ANK2: variants seen among roughly 807,000 people sequenced by gnomAD.
The protein encoded by ANK2 is ankyrin-2.
In ANK2, 83 loss-of-function variants were observed where a neutral mutation model predicts 360.5. The ratio of observed to expected loss-of-function variants is 0.23; its 90% CI spans 0.19 to 0.28. The LOEUF (loss-of-function observed/expected upper bound fraction) is 0.28. Ranked by LOEUF, ANK2 falls within the 10% of genes least tolerant of loss-of-function variation. ANK2 has a pLI of 1.00. For synonymous variants in ANK2, 1,740 were observed against 1,759.5 expected (o/e 0.99, Z 0.28); for missense variants, 4,201 against 4,795.7 (o/e 0.88, Z 3.66).
chr4:112,850,335 A>ATCCATCCATCCATCCG (rs1441567063), intron 1 of ANK2, among the ~76,000 whole-genome samples: 2 of 148,558 alleles, frequency 1.3e-5, no homozygotes, highest in Non-Finnish European at 3.0e-5. Flanking sequence ...TCATCTGTCC[A>ATCCATCCATCCATCCG]TCCATCCATC....
At chr4:112,833,800 G>T (rs1003965884) in intron 1 of ANK2, among the ~76,000 whole-genome samples, 25 of 152,182 alleles carry the variant, frequency 1.6e-4, no homozygotes, top group Admixed American at 1.4e-3. Flanking sequence ...ACCGCACTCG[G>T]CCGGAATGAT....
intron 1 of ANK2, among the ~76,000 whole-genome samples, chr4:112,864,996 C>T (rs1182992856): frequency 3.8e-5 from 5 of 131,522 alleles, no homozygotes; most frequent in African/African-American, 5.7e-5. Context: ...CGCGCCACTG[C>T]ATTCCAGCCT....
intron 2 of ANK2, among the ~76,000 whole-genome samples, chr4:112,967,981 A>G (rs1359344690): frequency 6.6e-6 from 1 of 152,126 alleles, no homozygotes; most frequent in Admixed American, 6.6e-5. Flanking sequence ...CTGGTATTTG[A>G]TAGTTGATTA....
Position 113,303,655 on chromosome 4 carries a change from C to G in ANK2, c.2548+816C>G, listed in dbSNP as rs182601055. Among the ~76,000 whole-genome samples, 3 of 151,924 alleles carry G rather than the reference C, an allele frequency of 2.0e-5. No individual in the cohort carries two copies. In the East Asian group the frequency reaches 5.8e-4, roughly 29 times the overall value. The stretch of plus-strand genomic sequence containing the variant: ...TCCACTTGGATAAAAAAATGTGCTA[C>G]TAAAAAATCATGAAAGCAGCATATA... On this transcript the variant is annotated intron_variant, in intron 23 of 45. Coordinates refer to ENST00000357077, the MANE Select transcript of ANK2 (RefSeq NM_001148.6).
intron 2 of ANK2, among the ~76,000 whole-genome samples, chr4:112,952,106 T>G (rs2095060518): frequency 6.6e-6 from 1 of 152,220 alleles, no homozygotes; most frequent in African/African-American, 2.4e-5. Flanking sequence ...CTTTATGTTA[T>G]GCAAATATTC....
chr4:112,987,339 G>A (rs2154276415), intron 2 of ANK2, among the ~76,000 whole-genome samples: 1 of 152,316 alleles, frequency 6.6e-6, no homozygotes, highest in South Asian at 2.1e-4. Context: ...GCCTGGTGAT[G>A]TTCTCTATAC....
At chr4:112,812,467 A>G in the ANK2 span, among the ~76,000 whole-genome samples, 1 of 152,182 alleles carries the variant, frequency 6.6e-6, no homozygotes, top group Admixed American at 6.5e-5. Context: ...AAAAGACCAT[A>G]AGGAAAAGCA....
rs1290528750 is a variant in ANK2, at chr4:113,311,272, G to A, written c.2566G>A (p.Gly856Ser). The stretch of plus-strand genomic sequence containing the variant: ...GTTTCAAGGTGATGACACAATGACT[G>A]GTGATGGGGGAGAATACCTTAGGCC... ...SDEEGDDTMT[G>S]DGGEYLRPED... Residue 856 changes from glycine (G) to serine (S), a missense_variant, in exon 24 of 46, where the codon GGT (glycine) becomes AGT (serine). Around this residue, in one of 4 missense-constraint regions of ANK2, gnomAD observed 1,268 missense variants for 1,650.8 expected, o/e 0.77. Transcript: ENST00000357077. The A allele has an allele frequency of 6.2e-7, 1 of 1,614,000 alleles. No homozygotes were observed. The highest frequency in any genetic ancestry group is 8.5e-7 in the Non-Finnish European group (1 of 1,180,014).
At chr4:113,242,534 C>T (rs763227567) in intron 9 of ANK2, among the ~76,000 whole-genome samples, 1 of 152,030 alleles carries the variant, frequency 6.6e-6, no homozygotes, top group Non-Finnish European at 1.5e-5. Context: ...TATCAAGAAC[C>T]CAAACTAATT....
intron 1 of ANK2, among the ~76,000 whole-genome samples, chr4:113,172,248 T>C (rs1422429788): frequency 1.3e-5 from 2 of 152,192 alleles, no homozygotes; most frequent in African/African-American, 2.4e-5. Flanking sequence ...GCAAGTGCCA[T>C]GATTTACAGA....
chr4:113,047,088 C>T (rs1189799346), upstream of ANK2, among the ~76,000 whole-genome samples: 2 of 152,198 alleles, frequency 1.3e-5, no homozygotes, highest in Non-Finnish European at 2.9e-5. Context: ...CATTTTGCTT[C>T]TTCTTTTCAT....
chr4:112,896,627 C>T (rs2081835649), intron 1 of ANK2, among the ~76,000 whole-genome samples: 1 of 152,180 alleles, frequency 6.6e-6, no homozygotes, highest in Admixed American at 6.5e-5. Flanking sequence ...TGTCGCATTC[C>T]TGACCTCAGA....
chr4:112,963,899 A>G (rs1582065720), intron 2 of ANK2, among the ~76,000 whole-genome samples: 1 of 152,022 alleles, frequency 6.6e-6, no homozygotes, highest in South Asian at 2.1e-4. Context: ...CCAACTATTT[A>G]TAGTTACTGA....
At chr4:113,217,525 G>A (rs1678134629) in intron 4 of ANK2, among the ~76,000 whole-genome samples, 1 of 152,158 alleles carries the variant, frequency 6.6e-6, no homozygotes, top group African/African-American at 2.4e-5. Context: ...TTATCCATGA[G>A]CAGCGGATGG....
Position 113,174,641 on chromosome 4 carries a change from TC to T in ANK2, c.186+127del, listed in dbSNP as rs201304241. ...ATATCAGTGACTCAGACTTCTGAAA[TC>T]CCATTTTTTGCCCCCTTACCAACTT... On this transcript the variant is annotated intron_variant, in intron 2 of 45. Coordinates refer to ENST00000357077, the MANE Select transcript of ANK2 (RefSeq NM_001148.6). 2.1e-3 allele frequency: 1,683 copies of T among 789,328 alleles called. 20 individuals carry two copies. The East Asian group carries it at 0.036, about 17-fold the overall frequency. The allele number at this position is 789,328 out of a possible 1,614,324, so 48.9% of individuals were successfully genotyped here. A position where few individuals can be genotyped will look rare whatever the true frequency, so the allele number is the denominator to read the frequency against.
At chr4:113,117,372 A>G (rs1208770308) in intron 1 of ANK2, 1 of 456,286 alleles carries the variant, frequency 2.2e-6, no homozygotes, top group Non-Finnish European at 4.4e-6. Context: ...AGAGACAGAA[A>G]AAAACAACGG....
rs760202413 is a variant in ANK2 at position 113,356,649 on chromosome 4, T to A, written c.8031T>A (p.Ala2677=). 2 of 1,613,984 alleles carry A rather than the reference T, an allele frequency of 1.2e-6. No individual in the cohort carries two copies. Among genetic ancestry groups the A allele is most frequent in the Non-Finnish European group, 1.7e-6 (2 of 1,179,986 alleles). ...AGTTGGCACAGCTTAAAAAAGGTGC[T>A]GACTCAGGCCTTTTACCAGAACCAG... The part of the protein sequence containing the change: ...EPELAQLKKG[A]DSGLLPEPVI... Residue 2677 remains alanine, a synonymous_variant, in exon 38 of 46, where the codon GCT becomes GCA. Transcript: ENST00000357077.
At chr4:113,229,996 T>C (rs1419086157) in intron 4 of ANK2, among the ~76,000 whole-genome samples, 4 of 152,198 alleles carry the variant, frequency 2.6e-5, no homozygotes, top group Non-Finnish European at 5.9e-5. Context: ...CTCATTGTTT[T>C]TAACCATCCT....
At chr4:113,295,306 T>C (rs2070590178) in intron 22 of ANK2, among the ~76,000 whole-genome samples, 1 of 152,150 alleles carries the variant, frequency 6.6e-6, no homozygotes, top group Admixed American at 6.5e-5. Flanking sequence ...GGTAAGAAAA[T>C]ACATTCATAT....
Sources: allele counts gnomAD v4.1 joint callset (sites outside exome capture counted in the v4.1 genomes callset), GRCh38; gene constraint gnomAD v4.1.1; regional missense constraint gnomAD v4.1.1; transcripts MANE v1.5; gene names NCBI Gene and HGNC (gene_info 2026-07-23, HGNC 2026-07-21).